PTPRJ: variants seen among roughly 807,000 people sequenced by gnomAD.
The protein encoded by PTPRJ is protein tyrosine phosphatase receptor type J, also known as receptor-type tyrosine-protein phosphatase eta.
PTPRJ carries 129 observed loss-of-function variants against 141.3 expected under a neutral mutation model. That is an observed-to-expected ratio of 0.91 (90% CI 0.79 to 1.06). The LOEUF (loss-of-function observed/expected upper bound fraction) is 1.06, where lower values mean the gene tolerates loss of function less well. Among genes scored for constraint, PTPRJ ranks in the 50% least tolerant of loss-of-function variants. The pLI is 0.00. For missense variants in PTPRJ, 1,601 were observed against 1,679.7 expected (o/e 0.95, Z 0.82); for synonymous variants, 610 against 640.5 (o/e 0.95, Z 0.72).
At chr11:48,135,701 C>T (rs1394928114) in intron 8 of PTPRJ, among the ~76,000 whole-genome samples, 3 of 152,046 alleles carry the variant, frequency 2.0e-5, no homozygotes, top group Admixed American at 6.6e-5. Flanking sequence ...AGGCTAGTCT[C>T]GAACCTCTGA....
intron 10 of PTPRJ, among the ~76,000 whole-genome samples, chr11:48,139,029 A>G (rs1463351275): frequency 6.6e-6 from 1 of 152,172 alleles, no homozygotes; most frequent in African/African-American, 2.4e-5. Flanking sequence ...GCGACTTGGG[A>G]GGCTGACACA....
Position 47,980,655 on chromosome 11 carries a change from C to G in PTPRJ, c.-258C>G. The G allele has an allele frequency of 1.0e-6, 1 of 985,244 alleles. No homozygotes were observed. The allele number at this position is 985,244 out of a possible 1,614,324, so 61.0% of individuals were successfully genotyped here. On this transcript the variant is annotated 5_prime_UTR_variant, in exon 1 of 25. Coordinates refer to ENST00000418331, the MANE Select transcript of PTPRJ (RefSeq NM_002843.4). ...CTGGGGGTGGGCGCCGCTCGCTCCG[C>G]CCCGCGAAGCCCCTGCGCGCTCAGG...
intron 1 of PTPRJ, among the ~76,000 whole-genome samples, chr11:48,041,843 G>A (rs953062889): frequency 6.6e-6 from 1 of 151,926 alleles, no homozygotes; most frequent in African/African-American, 2.4e-5. Flanking sequence ...AAATTCCTGA[G>A]CTCAAGCAAT....
chr11:48,132,001 A>T (rs1856993235), intron 8 of PTPRJ: 1 of 346,506 alleles, frequency 2.9e-6, no homozygotes, highest in Non-Finnish European at 4.1e-6. Flanking sequence ...CTTCATTTTA[A>T]ATCCCTGATA....
chr11:48,142,894 C>A, intron 11 of PTPRJ, 25 bp from the exon 12 acceptor site: 1 of 1,601,426 alleles, frequency 6.2e-7, no homozygotes, highest in Non-Finnish European at 8.5e-7. Context: ...ATTGGGTGAT[C>A]ATGTTTTGTT....
intron 22 of PTPRJ, among the ~76,000 whole-genome samples, chr11:48,161,603 T>G (rs1302030083): frequency 6.6e-6 from 1 of 152,020 alleles, no homozygotes; most frequent in East Asian, 1.9e-4. Context: ...TTATTTCTTT[T>G]CTTTTCTTTT....
chr11:48,021,644 A>G (rs1238758286), intron 1 of PTPRJ, among the ~76,000 whole-genome samples: 1 of 149,928 alleles, frequency 6.7e-6, no homozygotes, highest in East Asian at 2.0e-4. Context: ...TAGATTAAGG[A>G]GCACTGCACC....
intron 1 of PTPRJ, among the ~76,000 whole-genome samples, chr11:48,050,178 AGTTT>A (rs1854527346): frequency 6.6e-6 from 1 of 152,110 alleles, no homozygotes; most frequent in Non-Finnish European, 1.5e-5. Context: ...AGACTGTATG[AGTTT>A]GTTTTTTTAC....
At chr11:48,147,563 C>G (rs191012058) in intron 15 of PTPRJ, among the ~76,000 whole-genome samples, 1 of 152,152 alleles carries the variant, frequency 6.6e-6, no homozygotes. Flanking sequence ...TGAGGCTCTG[C>G]GAGGCAGGTC....
intron 1 of PTPRJ, among the ~76,000 whole-genome samples, chr11:48,019,646 G>A (rs1463850546): frequency 6.6e-6 from 1 of 152,114 alleles, no homozygotes; most frequent in Admixed American, 6.5e-5. Context: ...ACTGAATGCC[G>A]GCAGCTTTCC....
intron 18 of PTPRJ, 103 bp downstream of exon 18, chr11:48,150,286 G>C: frequency 1.1e-6 from 1 of 922,810 alleles, no homozygotes; most frequent in Non-Finnish European, 1.7e-6. Context: ...AAGAACACTC[G>C]AGGGACTGTA....
At chr11:48,033,819 A>G (rs1854052488) in intron 1 of PTPRJ, among the ~76,000 whole-genome samples, 1 of 152,216 alleles carries the variant, frequency 6.6e-6, no homozygotes, top group Non-Finnish European at 1.5e-5. Context: ...CCTGTGATCC[A>G]AGGCGGGAAC....
chr11:48,160,645 ACT>A (rs1394600250), intron 22 of PTPRJ, among the ~76,000 whole-genome samples: 3 of 152,084 alleles, frequency 2.0e-5, no homozygotes, highest in African/African-American at 7.2e-5. Flanking sequence ...CATTGGCATA[ACT>A]CTCTGCTGTT....
chr11:48,107,049 G>A (rs1856309385), intron 1 of PTPRJ, among the ~76,000 whole-genome samples: 1 of 152,008 alleles, frequency 6.6e-6, no homozygotes, highest in Admixed American at 6.6e-5. Context: ...GATTACAAGT[G>A]TGAGCCACTG....
chr11:48,007,252 C>T (rs542739064), intron 1 of PTPRJ, among the ~76,000 whole-genome samples: 16 of 150,432 alleles, frequency 1.1e-4, no homozygotes, highest in African/African-American at 4.0e-4. Context: ...AGGTGCCTGC[C>T]ACCACGCCCG....
chr11:47,984,202 A>T (rs1423622093), intron 1 of PTPRJ, among the ~76,000 whole-genome samples: 1 of 152,186 alleles, frequency 6.6e-6, no homozygotes, highest in African/African-American at 2.4e-5. Context: ...AGCAGAGAGG[A>T]TCCTGGCTTC....
rs1387780375 is a variant in PTPRJ, at chr11:48,123,833, G to A, written c.837G>A (p.Lys279=). 1 of 1,613,952 alleles carries A rather than the reference G, an allele frequency of 6.2e-7. No homozygotes were observed. The highest frequency in any genetic ancestry group is 1.3e-5 in the African/African-American group (1 of 74,898). ...ACCCGTATCTTCTACAATCAAATAA[G>A]ACAAAGGGAGACCCCTTGGGCACAG... ...NINPYLLQSN[K]TKGDPLGTEG... Residue 279 remains lysine (K), a synonymous_variant, in exon 5 of 25, where the codon AAG becomes AAA. Transcript: ENST00000418331.
chr11:48,110,405 C>A (rs1441633823), intron 2 of PTPRJ, among the ~76,000 whole-genome samples: 1 of 151,960 alleles, frequency 6.6e-6, no homozygotes, highest in Admixed American at 6.6e-5. Context: ...ACGGGGCTTC[C>A]CCATGTTGGT....
In PTPRJ at chr11:48,156,597, T is replaced by G. The variant is rs1346476122; in HGVS notation, c.3438+478T>G. 7.5e-4 allele frequency among the ~76,000 whole-genome samples: 30 copies of G among 40,080 alleles called. 3 individuals are homozygous for G. The highest frequency in any genetic ancestry group is 7.0e-3 in the Admixed American group (30 of 4,258). The allele number at this position is 40,080 out of a possible 152,430, so 26.3% of individuals were successfully genotyped here. A position where few individuals can be genotyped will look rare whatever the true frequency, so the allele number is the denominator to read the frequency against. ...CAGGGTTTTTTTTTTTTTTTTTTTT[T>G]TTTTTTTTTTTTTTTGAGACAGGGT... On this transcript the variant is annotated intron_variant, in intron 21 of 24. Coordinates refer to ENST00000418331, the MANE Select transcript of PTPRJ (RefSeq NM_002843.4).
Sources: allele counts gnomAD v4.1 joint callset (sites outside exome capture counted in the v4.1 genomes callset), GRCh38; gene constraint gnomAD v4.1.1; transcripts MANE v1.5; gene names NCBI Gene and HGNC (gene_info 2026-07-23, HGNC 2026-07-21).